The following DST variants were observed in gnomAD, a reference collection of about 807,000 sequenced individuals.
The protein encoded by DST is dystonin, also known as bullous pemphigoid antigen.
A neutral mutation model predicts 875.2 loss-of-function variants in DST; 253 were observed. The observed-to-expected ratio is 0.29, with a 90% CI of 0.26 to 0.32. The LOEUF (loss-of-function observed/expected upper bound fraction) is 0.32, where lower values mean the gene tolerates loss of function less well. Ranked by LOEUF, DST falls within the 10% of genes least tolerant of loss-of-function variation. DST has a pLI of 1.00. For missense variants in DST, 8,287 were observed against 9,111.6 expected, an observed-to-expected ratio of 0.91 and a Z score of 3.68; for synonymous variants, 3,124 against 3,197.1, an observed-to-expected ratio of 0.98 and a Z score of 0.77.
intron 57 of DST, 87 bp downstream of exon 57, chr6:56,561,221 G>C (rs2097532160): frequency 7.1e-7 from 1 of 1,411,826 alleles, no homozygotes; most frequent in Non-Finnish European, 9.5e-7. Context: ...AAAGAAAACA[G>C]AGCAGAGCTT....
chr6:56,901,265 A>G (rs1793941392), intron 2 of DST, among the ~76,000 whole-genome samples: 2 of 152,220 alleles, frequency 1.3e-5, no homozygotes, highest in Non-Finnish European at 2.9e-5. Flanking sequence ...ATAACATTCC[A>G]CTCACAGGGC....
chr6:56,934,560 T>TTTTTA (rs869186436), intron 2 of DST, among the ~76,000 whole-genome samples: 27 of 106,486 alleles, frequency 2.5e-4, no homozygotes, highest in African/African-American at 9.5e-4. Context: ...ATATATTATA[T>TTTTTA]TATATATATA....
chr6:56,605,429 CT>C lies in DST; in HGVS notation c.9198del (p.Glu3067LysfsTer21). On this transcript the variant is annotated frameshift_variant, in exon 40 of 104. Coordinates refer to ENST00000680361, the MANE Select transcript of DST (RefSeq NM_001374736.1). LOFTEE classifies it high-confidence loss of function. ...AGTTTGAGATGCCTATTTTCTTCTTCTACTAGACCTTCTACAAGCACTTCTC... is the reference window on the plus strand; with the variant it reads ...AGTTTGAGATGCCTATTTTCTTCTTCACTAGACCTTCTACAAGCACTTCTC... ...GEGEVLVEGL[V>X]EEENRHLKLL... 2 of 1,612,864 alleles carry C rather than the reference CT, an allele frequency of 1.2e-6. No individual in the cohort carries two copies. The highest frequency in any genetic ancestry group is 2.7e-5 in the African/African-American group (2 of 74,970).
chr6:56,756,098 G>A (rs1395752609), intron 4 of DST, among the ~76,000 whole-genome samples: 2 of 152,296 alleles, frequency 1.3e-5, no homozygotes, highest in East Asian at 3.9e-4. Flanking sequence ...TCAGGCTTTG[G>A]CCCTGAGAGG....
Position 56,683,945 on chromosome 6 carries a change from C to T in DST, c.1048-13138G>A, listed in dbSNP as rs114768859. Among the ~76,000 whole-genome samples the T allele has an allele frequency of 5.8e-3, 884 of 152,302 alleles. 8 individuals are homozygous for T. The highest frequency in any genetic ancestry group is 0.02 in the African/African-American group (837 of 41,562). ...TTCATGAACTTTACATCGTATATAG[C>T]TTCAAAATGTCTTTTCAATAAAAGA... is the stretch of plus-strand genomic sequence containing the variant. On this transcript the variant is annotated intron_variant, in intron 9 of 103. Coordinates refer to ENST00000680361, the MANE Select transcript of DST (RefSeq NM_001374736.1).
At chr6:56,544,685 TC>T (rs35297883) in intron 61 of DST, among the ~76,000 whole-genome samples, 101,979 of 152,020 alleles carry the variant, frequency 0.67, 34,700 homozygotes, top group East Asian at 0.8. Context: ...GGGAAAATAT[TC>T]CCTAGTTAAT....
In DST at chr6:56,631,288, A is replaced by G; in HGVS notation, c.4065T>C (p.Pro1355=). The G allele has an allele frequency of 9.3e-6, 15 of 1,613,960 alleles. No individual in the cohort carries two copies. The highest frequency in any genetic ancestry group is 1.3e-5 in the Non-Finnish European group (15 of 1,179,884). ...CCACATTAAGCTCTGATCGTAGGGT[A>G]GGGACTGATGAAGAGGCTGCTGCTT... ...FSQAAASSSV[P]TLRSELNVVL... The change falls in exon 30 of 104, where the codon CCT becomes CCC. Residue 1355 remains proline, a synonymous_variant. Transcript: ENST00000680361.
chr6:56,928,088 C>T (rs1314244468), intron 2 of DST, among the ~76,000 whole-genome samples: 1 of 152,140 alleles, frequency 6.6e-6, no homozygotes, highest in Non-Finnish European at 1.5e-5. Flanking sequence ...GGGCTTATAC[C>T]TCTGAGGTGG....
At chr6:56,522,346 C>G (rs910531650) in intron 69 of DST, among the ~76,000 whole-genome samples, 4 of 152,122 alleles carry the variant, frequency 2.6e-5, no homozygotes, top group Non-Finnish European at 2.9e-5. Flanking sequence ...GGTCTGACTT[C>G]TAGACTGCCA....
At chr6:56,741,788 T>C (rs983138390) in intron 4 of DST, among the ~76,000 whole-genome samples, 1 of 152,244 alleles carries the variant, frequency 6.6e-6, no homozygotes, top group African/African-American at 2.4e-5. Flanking sequence ...AACTCATTCC[T>C]GTGATTTTAA....
At chr6:56,659,013 G>T (rs564469291) in intron 10 of DST, among the ~76,000 whole-genome samples, 90 of 152,272 alleles carry the variant, frequency 5.9e-4, no homozygotes, top group African/African-American at 2.0e-3. Context: ...ACGTCTTAAA[G>T]GATTGTAAAC....
intron 4 of DST, among the ~76,000 whole-genome samples, chr6:56,850,915 A>G (rs1187791928): frequency 6.6e-6 from 1 of 152,234 alleles, no homozygotes; most frequent in Non-Finnish European, 1.5e-5. Flanking sequence ...TGCTACATTT[A>G]AAGAAAAACA....
intron 4 of DST, among the ~76,000 whole-genome samples, chr6:56,751,678 G>A (rs2099587644): frequency 6.6e-6 from 1 of 152,122 alleles, no homozygotes; most frequent in African/African-American, 2.4e-5. Context: ...CCACCATGTG[G>A]CCCATTACCT....
chr6:56,489,971 T>C (rs548004786), intron 85 of DST, among the ~76,000 whole-genome samples: 1 of 152,270 alleles, frequency 6.6e-6, no homozygotes, highest in Non-Finnish European at 1.5e-5. Context: ...GTTGTTGCTG[T>C]TGTTTACTGC....
chr6:56,689,317 G>A (rs1272563896), intron 9 of DST, among the ~76,000 whole-genome samples: 2 of 152,122 alleles, frequency 1.3e-5, no homozygotes, highest in African/African-American at 4.8e-5. Context: ...CAGCTGTCTG[G>A]TGGCAAAGCC....
chr6:56,743,579 T>C (rs1206029993), intron 4 of DST, among the ~76,000 whole-genome samples: 2 of 152,250 alleles, frequency 1.3e-5, no homozygotes, highest in African/African-American at 4.8e-5. Context: ...ATAATAATAA[T>C]AGCAAACACT....
At chr6:56,731,929 T>C (rs2099500460) in intron 5 of DST, among the ~76,000 whole-genome samples, 1 of 152,196 alleles carries the variant, frequency 6.6e-6, no homozygotes, top group Non-Finnish European at 1.5e-5. Flanking sequence ...TGTTACCCTA[T>C]CTAGATATTT....
intron 2 of DST, among the ~76,000 whole-genome samples, chr6:56,905,791 G>C (rs149164979): frequency 6.6e-6 from 1 of 152,054 alleles, no homozygotes; most frequent in East Asian, 1.9e-4. Flanking sequence ...TGGGATTACA[G>C]GCACAGGCCA....
intron 61 of DST, among the ~76,000 whole-genome samples, chr6:56,549,109 C>T (rs545927942): frequency 6.6e-6 from 1 of 152,280 alleles, no homozygotes; most frequent in Admixed American, 6.5e-5. Context: ...GTCTATCAAA[C>T]CTGCTTTAAA....
Sources: gnomAD v4.1 joint callset for allele counts (sites outside exome capture counted in the v4.1 genomes callset) on GRCh38, gnomAD v4.1.1 for gene constraint, MANE v1.5 for transcripts, NCBI Gene and HGNC (gene_info 2026-07-23, HGNC 2026-07-21) for gene names.